Variants in GLDC observed in about 807,000 individuals in gnomAD.
The protein encoded by GLDC is glycine dehydrogenase (decarboxylating), mitochondrial.
GLDC carries 104 observed loss-of-function variants against 121.3 expected under a neutral mutation model. That is an observed-to-expected ratio of 0.86 (90% CI 0.73 to 1.01). The LOEUF (loss-of-function observed/expected upper bound fraction) is 1.01, where lower values mean the gene tolerates loss of function less well. GLDC is among the 50% of genes least tolerant of loss of function. GLDC has a pLI of 0.00. For missense variants in GLDC, 1,429 were observed against 1,306.6 expected (o/e 1.09, Z -1.44); for synonymous variants, 546 against 480.6 (o/e 1.14, Z -1.78).
chr9:6,611,908 C>G (rs918419568), intron 3 of GLDC, among the ~76,000 whole-genome samples: 1 of 152,064 alleles, frequency 6.6e-6, no homozygotes, highest in Non-Finnish European at 1.5e-5. Context: ...CCCAAGCAAT[C>G]TAAGCACTTG....
chr9:6,561,514 T>C (rs1563838188), intron 16 of GLDC, among the ~76,000 whole-genome samples: 2 of 151,942 alleles, frequency 1.3e-5, no homozygotes, highest in Non-Finnish European at 2.9e-5. Flanking sequence ...CCAGGCATGG[T>C]GGTGCACGCC....
At chr9:6,611,350 G>A (rs113022575) in intron 3 of GLDC, among the ~76,000 whole-genome samples, 326 of 152,300 alleles carry the variant, frequency 2.1e-3, no homozygotes, top group Non-Finnish European at 3.9e-3. Flanking sequence ...GAGGTCAGGA[G>A]ATCGAGACCA....
chr9:6,594,990 G>A (rs952981016), intron 9 of GLDC, 24 bp downstream of exon 9: 1 of 1,350,286 alleles, frequency 7.4e-7, no homozygotes, highest in Non-Finnish European at 1.1e-6. Flanking sequence ...ATGCCCAAAT[G>A]TTTTAGACAG....
At chr9:6,612,253 T>A (rs56944579) in intron 3 of GLDC, among the ~76,000 whole-genome samples, 27,624 of 149,902 alleles carry the variant, frequency 0.18, 2,724 homozygotes, top group East Asian at 0.43. Flanking sequence ...TCTCTCTCTC[T>A]CACACACACT....
intron 21 of GLDC, among the ~76,000 whole-genome samples, chr9:6,542,885 CAAAAAA>C (rs5896153): frequency 4.9e-5 from 3 of 61,390 alleles, no homozygotes; most frequent in Non-Finnish European, 8.7e-5. Context: ...GACCTTTTCT[CAAAAAA>C]AAAAAAAAAA....
chr9:6,581,811 A>G (rs1334235660), intron 15 of GLDC, among the ~76,000 whole-genome samples: 1 of 152,220 alleles, frequency 6.6e-6, no homozygotes, highest in East Asian at 1.9e-4. Context: ...AATCCTTTAT[A>G]TTTATTGTAT....
At chr9:6,567,927 G>A (rs1817883558) in intron 15 of GLDC, among the ~76,000 whole-genome samples, 1 of 152,200 alleles carries the variant, frequency 6.6e-6, no homozygotes, top group Admixed American at 6.5e-5. Context: ...TCTGCAATAA[G>A]TATTTAGTAA....
At chr9:6,569,760 G>A (rs1196960440) in intron 15 of GLDC, among the ~76,000 whole-genome samples, 1 of 151,944 alleles carries the variant, frequency 6.6e-6, no homozygotes, top group East Asian at 1.9e-4. Flanking sequence ...CGGATTACCT[G>A]CAGTTAGAAG....
chr9:6,643,333 C>T (rs1819666063), intron 2 of GLDC, among the ~76,000 whole-genome samples: 1 of 151,586 alleles, frequency 6.6e-6, no homozygotes, highest in South Asian at 2.1e-4. Context: ...CAGCAGCCCT[C>T]AGCATAGCCT....
intron 2 of GLDC, among the ~76,000 whole-genome samples, chr9:6,629,688 G>C (rs948771761): frequency 6.6e-5 from 10 of 151,198 alleles, no homozygotes; most frequent in African/African-American, 2.4e-4. Context: ...AATTTCTTTT[G>C]GCCTCAATTA....
At position 6,620,737 on chromosome 9, in the gene GLDC, T is replaced by C. The variant is rs79886451; in HGVS notation, c.335-418A>G. On this transcript the variant is annotated intron_variant, in intron 2 of 24. Coordinates refer to ENST00000321612, the MANE Select transcript of GLDC (RefSeq NM_000170.3). Reference sequence around the variant, plus strand: ...ATACTCTCTGGAAGTAGGCACAGCTTCAGTCTAATTAACACATAATCTACA... The same window carrying C: ...ATACTCTCTGGAAGTAGGCACAGCTCCAGTCTAATTAACACATAATCTACA... Among the ~76,000 whole-genome samples, 392 of 152,368 alleles carry C rather than the reference T, an allele frequency of 2.6e-3. 9 individuals carry two copies. In the East Asian group the frequency reaches 0.051, roughly 20 times the overall value.
intron 2 of GLDC, chr9:6,622,833 T>C (rs1421331594): frequency 8.9e-6 from 2 of 225,112 alleles, no homozygotes; most frequent in African/African-American, 4.9e-5. Context: ...ATCTAGGAAG[T>C]GAGGAGCGTC....
chr9:6,540,442 A>C (rs903303845), intron 21 of GLDC: 1 of 405,548 alleles, frequency 2.5e-6, no homozygotes, highest in African/African-American at 2.0e-5. Context: ...ATATGACCGG[A>C]GGTGTCTGGG....
chr9:6,637,327 C>T (rs1212298335), intron 2 of GLDC, among the ~76,000 whole-genome samples: 2 of 151,724 alleles, frequency 1.3e-5, no homozygotes, highest in Non-Finnish European at 2.9e-5. Context: ...ATCATTTGAA[C>T]CCCGGAGGCA....
chr9:6,616,537 T>C (rs542437809), intron 3 of GLDC, among the ~76,000 whole-genome samples: 1 of 152,310 alleles, frequency 6.6e-6, no homozygotes, highest in African/African-American at 2.4e-5. Context: ...ATCTGAGAGA[T>C]GACAAATAAC....
rs145018304 is a variant in GLDC, at chr9:6,556,208, A to T, written c.2147T>A (p.Leu716His). 634 of 1,612,640 alleles carry T rather than the reference A, an allele frequency of 3.9e-4. No homozygotes were observed. Among genetic ancestry groups the T allele is most frequent in the Non-Finnish European group, 5.1e-4 (604 of 1,178,832 alleles). ...GACCTGTCCTCCATGTTGATGGATG[A>T]GGTCACACACGTCACTGATGTTCTC... Reference protein sequence around the residue: ...FEENISDVCDLIHQHGGQVYL... With the variant: ...FEENISDVCDHIHQHGGQVYL... Residue 716 changes from leucine to histidine, a missense_variant, in exon 18 of 25, where the codon CTC becomes CAC. Leu to His is a moderately conservative substitution (Grantham distance 99). Transcript: ENST00000321612.
At chr9:6,535,084 C>T (rs533577982) in intron 23 of GLDC, among the ~76,000 whole-genome samples, 1 of 152,280 alleles carries the variant, frequency 6.6e-6, no homozygotes, top group South Asian at 2.1e-4. Flanking sequence ...ATATCCCCAT[C>T]CCAGTGCTAA....
At chr9:6,595,341 C>T (rs1052337551) in intron 8 of GLDC, among the ~76,000 whole-genome samples, 1 of 152,212 alleles carries the variant, frequency 6.6e-6, no homozygotes, top group Non-Finnish European at 1.5e-5. Context: ...ACTAAACCTT[C>T]ACATTTGACC....
At chr9:6,615,910 G>A (rs577411057) in intron 3 of GLDC, among the ~76,000 whole-genome samples, 11 of 151,788 alleles carry the variant, frequency 7.2e-5, no homozygotes, top group Non-Finnish European at 1.6e-4. Context: ...ACCGCACCTG[G>A]CCTAATCAGG....
Sources: allele counts gnomAD v4.1 joint callset (sites outside exome capture counted in the v4.1 genomes callset), GRCh38; gene constraint gnomAD v4.1.1; transcripts MANE v1.5; gene names NCBI Gene and HGNC (gene_info 2026-07-23, HGNC 2026-07-21).